Variants in HTR2C observed in about 807,000 individuals in gnomAD.
HTR2C encodes 5-hydroxytryptamine receptor 2C, also known as 5-hydroxytryptamine (serotonin) receptor 2C, G protein-coupled.
A neutral mutation model predicts 21.0 loss-of-function variants in HTR2C; 5 were observed. That is an observed-to-expected ratio of 0.24 (90% CI 0.12 to 0.50). The LOEUF is 0.50. Ranked by LOEUF, HTR2C falls within the 20% of genes least tolerant of loss-of-function variation. The pLI, the probability that HTR2C is intolerant of heterozygous loss-of-function variation, is 0.98. For missense variants in HTR2C, 271 were observed against 371.2 expected, an observed-to-expected ratio of 0.73 and a Z score of 2.22; for synonymous variants, 150 against 145.3, an observed-to-expected ratio of 1.03 and a Z score of -0.23.
intron 4 of HTR2C, among the ~76,000 whole-genome samples, chrX:114,737,229 C>CTT (rs200101973): frequency 0.031 from 3,032 of 97,247 alleles, 164 homozygotes; most frequent in African/African-American, 0.11. Context: ...CTTTTCTTTT[C>CTT]TTTTTTTTTT....
chrX:114,646,790 C>G (rs782405109), intron 2 of HTR2C, among the ~76,000 whole-genome samples: 2 of 112,203 alleles, frequency 1.8e-5, no homozygotes, highest in Non-Finnish European at 1.9e-5. Flanking sequence ...TTTACAGTTT[C>G]AAGTCTTACA....
intron 2 of HTR2C, among the ~76,000 whole-genome samples, chrX:114,671,468 A>G (rs1351904606): frequency 8.9e-6 from 1 of 111,868 alleles, no homozygotes; most frequent in Non-Finnish European, 1.9e-5. Flanking sequence ...TTTTTAATCA[A>G]TAGATTGAAA....
chrX:114,863,563 A>G (rs186988090), intron 5 of HTR2C, among the ~76,000 whole-genome samples: 3 of 111,655 alleles, frequency 2.7e-5, no homozygotes, highest in East Asian at 5.6e-4. Context: ...CATATGGTCT[A>G]TCCTGGAGAG....
At chrX:114,751,819 G>A (rs1464982413) in intron 4 of HTR2C, among the ~76,000 whole-genome samples, 4 of 111,258 alleles carry the variant, frequency 3.6e-5, no homozygotes, top group African/African-American at 1.3e-4. Flanking sequence ...CTGATCTCTA[G>A]TTTGAAAATA....
intron 5 of HTR2C, chrX:114,900,376 C>A: frequency 3.8e-6 from 1 of 260,543 alleles, no homozygotes; most frequent in South Asian, 4.6e-5. Flanking sequence ...GATTTCTGGT[C>A]AAACTTGGTG....
intron 2 of HTR2C, among the ~76,000 whole-genome samples, chrX:114,691,500 T>C (rs1417805358): frequency 8.9e-6 from 1 of 111,872 alleles, no homozygotes; most frequent in Non-Finnish European, 1.9e-5. Flanking sequence ...ACAAAGCAAG[T>C]TTTTAAACAA....
At chrX:114,667,500 C>T (rs1556411064) in intron 2 of HTR2C, among the ~76,000 whole-genome samples, 1 of 111,455 alleles carries the variant, frequency 9.0e-6, no homozygotes, top group Non-Finnish European at 1.9e-5. Context: ...CTCTTCGCTA[C>T]CAGTGTCTTA....
rs145453906 is a variant in HTR2C at position 114,750,107 on chromosome X, C to A, written c.349+18500C>A. On this transcript the variant is annotated intron_variant, in intron 4 of 5. Transcript: ENST00000276198. ...ACGCATCTGTGTGTAAGTGCAACTACCTCAAGAAATGGCTAACTTAAACGG... is the reference window on the plus strand; with the variant it reads ...ACGCATCTGTGTGTAAGTGCAACTAACTCAAGAAATGGCTAACTTAAACGG... 7.2e-5 allele frequency among the ~76,000 whole-genome samples: 8 copies of A among 111,575 alleles called. No homozygotes were observed. The East Asian group carries it at 2.3e-3, about 31-fold the overall frequency.
chrX:114,635,999 T>C (rs188164300), intron 2 of HTR2C, among the ~76,000 whole-genome samples: 1 of 110,736 alleles, frequency 9.0e-6, no homozygotes, highest in African/African-American at 3.3e-5. Context: ...ACTGTGAATA[T>C]AGCTGTTATG....
intron 2 of HTR2C, among the ~76,000 whole-genome samples, chrX:114,679,427 C>A (rs1274638275): frequency 1.8e-5 from 2 of 110,217 alleles, no homozygotes; most frequent in African/African-American, 3.3e-5. Context: ...CACAGGCACG[C>A]TCTACCATGC....
chrX:114,901,505 A>C (rs1556485263), intron 5 of HTR2C, among the ~76,000 whole-genome samples: 1 of 111,913 alleles, frequency 8.9e-6, no homozygotes, highest in Non-Finnish European at 1.9e-5. Context: ...TTTTGAATAA[A>C]ATAGTGGTAG....
At chrX:114,799,249 T>C (rs1220013280) in intron 4 of HTR2C, among the ~76,000 whole-genome samples, 1 of 111,043 alleles carries the variant, frequency 9.0e-6, no homozygotes, top group East Asian at 2.8e-4. Context: ...CTTTTAACTT[T>C]ATGTTCAATA....
intron 4 of HTR2C, among the ~76,000 whole-genome samples, chrX:114,790,623 T>G (rs2070221491): frequency 9.0e-6 from 1 of 111,647 alleles, no homozygotes; most frequent in African/African-American, 3.3e-5. Context: ...ATTTTAGAAG[T>G]TTAAAAATAA....
chrX:114,656,244 G>T (rs1930777408), intron 2 of HTR2C, among the ~76,000 whole-genome samples: 1 of 111,141 alleles, frequency 9.0e-6, no homozygotes, highest in African/African-American at 3.3e-5. Flanking sequence ...AGGGAAATTA[G>T]AGATGGAAAG....
intron 2 of HTR2C, among the ~76,000 whole-genome samples, chrX:114,682,568 C>G (rs2147855495): frequency 9.0e-6 from 1 of 111,489 alleles, no homozygotes; most frequent in East Asian, 2.8e-4. Flanking sequence ...TTTTCTTTCT[C>G]TTTAAAAGTC....
intron 4 of HTR2C, among the ~76,000 whole-genome samples, chrX:114,760,255 G>A (rs187652293): frequency 1.1e-3 from 120 of 111,598 alleles, no homozygotes; most frequent in Admixed American, 2.8e-3. Context: ...TGAAATGGTT[G>A]TTCCACAAAG....
At chrX:114,705,441 AAAAC>A (rs1932745633) in intron 2 of HTR2C, among the ~76,000 whole-genome samples, 2 of 108,754 alleles carry the variant, frequency 1.8e-5, no homozygotes, top group Non-Finnish European at 3.8e-5. Context: ...AAACCTGAGA[AAAAC>A]AAGCAATGGG....
chrX:114,604,086 T>C (rs782214683), intron 1 of HTR2C, among the ~76,000 whole-genome samples: 198 of 107,181 alleles, frequency 1.8e-3, no homozygotes, highest in African/African-American at 6.5e-3. Context: ...TTTAATGAGA[T>C]GGTAAGGGGT....
intron 2 of HTR2C, among the ~76,000 whole-genome samples, chrX:114,650,950 T>C (rs991515025): frequency 4.5e-5 from 5 of 111,625 alleles, no homozygotes. Context: ...AATGGTGACA[T>C]GGGTTGCAGT....
Sources: allele counts gnomAD v4.1 joint callset (sites outside exome capture counted in the v4.1 genomes callset), GRCh38; gene constraint gnomAD v4.1.1; transcripts MANE v1.5; gene names NCBI Gene and HGNC (gene_info 2026-07-23, HGNC 2026-07-21).